GRXCR2: variants seen among roughly 807,000 people sequenced by gnomAD.
The protein encoded by GRXCR2 is glutaredoxin and cysteine rich domain containing 2, also known as glutaredoxin domain-containing cysteine-rich protein 2.
A neutral mutation model predicts 24.8 loss-of-function variants in GRXCR2; 23 were observed. The ratio of observed to expected loss-of-function variants is 0.93; its 90% CI spans 0.67 to 1.32. The LOEUF (loss-of-function observed/expected upper bound fraction) is 1.32, where lower values mean the gene tolerates loss of function less well. Ranked by LOEUF, GRXCR2 falls within the 40% of genes most tolerant of loss-of-function variation. The pLI is 0.00. For synonymous variants in GRXCR2, 130 were observed against 116.1 expected (o/e 1.12, Z -0.77); for missense variants, 315 against 303.4 (o/e 1.04, Z -0.28).
rs775921491 is a variant in GRXCR2 at position 145,866,612 on chromosome 5, C to A, written c.453G>T (p.Glu151Asp). The A allele has an allele frequency of 6.2e-7, 1 of 1,613,978 alleles. No individual in the cohort carries two copies. Among genetic ancestry groups the A allele is most frequent in the African/African-American group, 1.3e-5 (1 of 74,926 alleles). The change falls in exon 2 of 3, where the codon GAG becomes GAT. Residue 151 changes from glutamate to aspartate, a missense_variant. By Grantham distance (45) the Glu-to-Asp change is conservative. Transcript: ENST00000377976. ...TGTTCATCAGAGACTCTTCCTCAGC[C>A]TCCTCTTCCTTCTGGAGAATTTTCC... is the stretch of plus-strand genomic sequence containing the variant. Reference protein sequence around the residue: ...FVRKILQKEEEAEEESLMNKE... With the variant: ...FVRKILQKEEDAEEESLMNKE...
At chr5:145,908,128 T>C (rs2149924613) in intron 2 of GRXCR2, among the ~76,000 whole-genome samples, 1 of 152,302 alleles carries the variant, frequency 6.6e-6, no homozygotes. Context: ...TATTTCCAAC[T>C]GTAATTGCCT....
intron 2 of GRXCR2, among the ~76,000 whole-genome samples, chr5:145,893,669 C>T (rs2149920002): frequency 6.6e-6 from 1 of 152,216 alleles, no homozygotes; most frequent in East Asian, 1.9e-4. Context: ...CTTAGACTCC[C>T]ACACAATAAT....
intron 2 of GRXCR2, among the ~76,000 whole-genome samples, chr5:145,927,699 T>C (rs1268528828): frequency 6.6e-6 from 1 of 152,162 alleles, no homozygotes; most frequent in East Asian, 1.9e-4. Flanking sequence ...TCTTTTTTTG[T>C]TGTGTCTCTG....
rs1294380853 is a variant in GRXCR2 at position 145,870,102 on chromosome 5, A to AACCCTTTCT, written c.336+2522_336+2530dup. 2.0e-5 allele frequency among the ~76,000 whole-genome samples: 3 copies of AACCCTTTCT among 152,288 alleles called. No individual in the cohort carries two copies. The East Asian group carries it at 5.8e-4, about 29-fold the overall frequency. ...TACATAACATAGAATTTACCATTTT[A>AACCCTTTCT]ACCCTTTCTAAGTGTACAACTCAGT... On this transcript the variant is annotated intron_variant, in intron 1 of 2. Transcript: ENST00000377976.
At chr5:145,876,336 G>C (rs898639312), upstream of GRXCR2, among the ~76,000 whole-genome samples, 2 of 149,862 alleles carry the variant, frequency 1.3e-5, no homozygotes, top group African/African-American at 4.9e-5. Context: ...GAGTGCAGGG[G>C]TGCAACCTTA....
intron 2 of GRXCR2, among the ~76,000 whole-genome samples, chr5:145,911,106 T>A (rs1048863417): frequency 6.6e-6 from 1 of 152,198 alleles, no homozygotes; most frequent in Non-Finnish European, 1.5e-5. Context: ...AAATTTTATA[T>A]GTTCAAGGTG....
Position 145,859,582 on chromosome 5 carries a change from G to C in GRXCR2, c.*151C>G. ...AGAGATGTTACCGGCCTCACAAAAT[G>C]TCATCAGATAATTGAGTTTTGCCAG... On this transcript the variant is annotated 3_prime_UTR_variant, in exon 3 of 3. Transcript: ENST00000377976. 1 of 661,300 alleles carries C rather than the reference G, an allele frequency of 1.5e-6. No homozygotes were observed. The highest frequency in any genetic ancestry group is 2.7e-6 in the Non-Finnish European group (1 of 371,260). 41.0% of individuals were successfully genotyped at this position (661,300 alleles called of 1,614,324 possible).
intron 2 of GRXCR2, among the ~76,000 whole-genome samples, chr5:145,923,214 CG>C (rs535755089): frequency 5.2e-4 from 79 of 152,136 alleles, no homozygotes; most frequent in African/African-American, 1.8e-3. Flanking sequence ...TATGGTGGTC[CG>C]GGACTACACT....
chr5:145,893,713 A>C (rs1170075350), intron 2 of GRXCR2, among the ~76,000 whole-genome samples: 1 of 152,208 alleles, frequency 6.6e-6, no homozygotes, highest in Non-Finnish European at 1.5e-5. Context: ...TGTCAACATT[A>C]GACAGATCAA....
At chr5:145,907,128 A>G (rs1757103183) in intron 2 of GRXCR2, among the ~76,000 whole-genome samples, 1 of 152,086 alleles carries the variant, frequency 6.6e-6, no homozygotes, top group Non-Finnish European at 1.5e-5. Flanking sequence ...TAATAGGGGA[A>G]GGTGGGGATC....
chr5:145,915,361 T>C (rs1008023241), intron 2 of GRXCR2, among the ~76,000 whole-genome samples: 9 of 152,204 alleles, frequency 5.9e-5, no homozygotes, highest in Non-Finnish European at 1.2e-4. Context: ...CCTGAGGCTA[T>C]TGTCCACCTT....
intron 2 of GRXCR2, among the ~76,000 whole-genome samples, chr5:145,897,561 C>G (rs909945157): frequency 6.6e-6 from 1 of 151,974 alleles, no homozygotes; most frequent in African/African-American, 2.4e-5. Flanking sequence ...TGACCATATT[C>G]TCAGCCATAA....
intron 2 of GRXCR2, among the ~76,000 whole-genome samples, chr5:145,887,532 G>A (rs921997996): frequency 6.6e-6 from 1 of 152,212 alleles, no homozygotes; most frequent in Non-Finnish European, 1.5e-5. Flanking sequence ...GGCTAGGGAT[G>A]TTAGACATTC....
rs202201665 is a variant in GRXCR2 at position 145,872,664 on chromosome 5, C to G, written c.305G>C (p.Arg102Pro). The change falls in exon 1 of 3, where the codon CGG (arginine) becomes CCG (proline). Residue 102 changes from arginine (R) to proline (P), a missense_variant. Arg to Pro is a moderately radical substitution (Grantham distance 103, BLOSUM62 -2). Transcript: ENST00000377976. ...GTCATTCGCCTTGTAATCGTTGAACCGAGGCTGGCCGCCTGCCAAGGTGTA... is the reference window on the plus strand; with the variant it reads ...GTCATTCGCCTTGTAATCGTTGAACGGAGGCTGGCCGCCTGCCAAGGTGTA... ...NAYTLAGGQP[R>P]FNDYKANDHK... 2 of 1,606,620 alleles carry G rather than the reference C, an allele frequency of 1.2e-6. No homozygotes were observed. Among genetic ancestry groups the G allele is most frequent in the African/African-American group, 2.7e-5 (2 of 74,798 alleles).
Position 145,907,631 on chromosome 5 carries a change from G to A in GRXCR2, c.-70+28070C>T, listed in dbSNP as rs115522329. Among the ~76,000 whole-genome samples, 432 of 152,280 alleles carry A rather than the reference G, an allele frequency of 2.8e-3. 2 individuals carry two copies. The highest frequency in any genetic ancestry group is 0.01 in the African/African-American group (422 of 41,564). On this transcript the variant is annotated intron_variant, in intron 2 of 3. Transcript: ENST00000639411. ...AACCAAGAGAGAGGGTGGTGACTCG[G>A]CCTGTGGTGGGAGAGATGGTCAGCC...
intron 2 of GRXCR2, among the ~76,000 whole-genome samples, chr5:145,931,174 G>A (rs963237356): frequency 2.6e-5 from 4 of 152,134 alleles, no homozygotes. Context: ...TGGGACTATA[G>A]GCATGTGCCA....
intron 2 of GRXCR2, among the ~76,000 whole-genome samples, chr5:145,881,080 A>G (rs1756693440): frequency 6.6e-6 from 1 of 152,242 alleles, no homozygotes; most frequent in Non-Finnish European, 1.5e-5. Context: ...ATCATACTGA[A>G]TGGGCAAAAG....
chr5:145,903,594 C>T (rs1011718299), intron 2 of GRXCR2, among the ~76,000 whole-genome samples: 1 of 151,904 alleles, frequency 6.6e-6, no homozygotes, highest in Non-Finnish European at 1.5e-5. Context: ...CTAAAACAAA[C>T]CTCTAGCCAT....
At chr5:145,884,117 A>G (rs1283659102) in intron 2 of GRXCR2, among the ~76,000 whole-genome samples, 5 of 152,076 alleles carry the variant, frequency 3.3e-5, no homozygotes, top group Non-Finnish European at 5.9e-5. Context: ...AGTGGAATAA[A>G]CCCCACCTAT....
Sources: gnomAD v4.1 joint callset for allele counts (sites outside exome capture counted in the v4.1 genomes callset) on GRCh38, gnomAD v4.1.1 for gene constraint, MANE v1.5 for transcripts, NCBI Gene and HGNC (gene_info 2026-07-23, HGNC 2026-07-21) for gene names.